The following ATP2B2 variants were observed in gnomAD, a reference collection of about 807,000 sequenced individuals.
ATP2B2 encodes plasma membrane calcium-transporting ATPase 2.
ATP2B2 carries 15 observed loss-of-function variants against 120.0 expected under a neutral mutation model. The ratio of observed to expected loss-of-function variants is 0.12; its 90% confidence interval spans 0.08 to 0.19. The LOEUF (loss-of-function observed/expected upper bound fraction) is 0.19, where lower values mean the gene tolerates loss of function less well. Ranked by LOEUF, ATP2B2 falls within the 10% of genes least tolerant of loss-of-function variation. ATP2B2 has a pLI of 1.00. For synonymous variants in ATP2B2, 694 were observed against 700.3 expected (o/e 0.99, Z 0.14); for missense variants, 1,045 against 1,719.8 (o/e 0.61, Z 6.94).
chr3:10,369,681 C>T (rs2061169985), intron 12 of ATP2B2, among the ~76,000 whole-genome samples: 1 of 152,226 alleles, frequency 6.6e-6, no homozygotes, highest in Non-Finnish European at 1.5e-5. Flanking sequence ...CATTAACTAA[C>T]TCACTTTATC....
intron 6 of ATP2B2, 84 bp downstream of exon 6, chr3:10,388,193 C>T: frequency 1.3e-6 from 2 of 1,594,360 alleles, no homozygotes; most frequent in Non-Finnish European, 1.7e-6. Context: ...CACTCAATAA[C>T]TATTTTGTTG....
chr3:10,628,904 A>G (rs996280097), intron 1 of ATP2B2, among the ~76,000 whole-genome samples: 1 of 152,224 alleles, frequency 6.6e-6, no homozygotes, highest in Non-Finnish European at 1.5e-5. Flanking sequence ...ACTGATCAGT[A>G]TATAACCTTG....
At chr3:10,702,083 T>C (rs2071828105) in intron 1 of ATP2B2, among the ~76,000 whole-genome samples, 1 of 152,114 alleles carries the variant, frequency 6.6e-6, no homozygotes, top group Non-Finnish European at 1.5e-5. Flanking sequence ...AGCAACATCT[T>C]CATACCAGTG....
rs1054870773 is a variant in ATP2B2, at chr3:10,372,681, T to C, written c.1417-630A>G. ...ACACAAAAGGGAAAAAGAAAACATA[T>C]CAACTATTAGCTACCATCCAGAACT... On this transcript the variant is annotated intron_variant, in intron 11 of 22. Transcript: ENST00000360273. Among the ~76,000 whole-genome samples the C allele has an allele frequency of 1.7e-4, 26 of 152,294 alleles. 1 individual carries two copies. The highest frequency in any genetic ancestry group is 5.3e-4 in the African/African-American group (22 of 41,566).
intron 2 of ATP2B2, among the ~76,000 whole-genome samples, chr3:10,548,849 C>G (rs892825467): frequency 6.6e-6 from 1 of 152,164 alleles, no homozygotes; most frequent in Non-Finnish European, 1.5e-5. Context: ...ACTTTCCCAG[C>G]GTAACATGGA....
intron 2 of ATP2B2, among the ~76,000 whole-genome samples, chr3:10,605,665 T>TTC (rs1420932997): frequency 1.3e-5 from 2 of 151,462 alleles, no homozygotes; most frequent in African/African-American, 4.9e-5. Flanking sequence ...TTTTTTTTTT[T>TTC]TGAGACAGAG....
At chr3:10,522,638 G>C (rs115688958) in intron 3 of ATP2B2, among the ~76,000 whole-genome samples, 1 of 152,100 alleles carries the variant, frequency 6.6e-6, no homozygotes, top group Non-Finnish European at 1.5e-5. Context: ...ATCCCGAACA[G>C]GAGTAGGCCT....
intron 1 of ATP2B2, among the ~76,000 whole-genome samples, chr3:10,628,722 A>G (rs2125635168): frequency 6.6e-6 from 1 of 152,332 alleles, no homozygotes; most frequent in South Asian, 2.1e-4. Context: ...CTTTGGAAGC[A>G]GAAAGGCAGT....
intron 1 of ATP2B2, among the ~76,000 whole-genome samples, chr3:10,471,379 T>A (rs1236794654): frequency 4.0e-5 from 6 of 148,930 alleles, no homozygotes; most frequent in Non-Finnish European, 5.9e-5. Flanking sequence ...TGTGTGTGTG[T>A]GTGTGTGTGT....
intron 1 of ATP2B2, among the ~76,000 whole-genome samples, chr3:10,464,222 C>A (rs2064631185): frequency 1.3e-5 from 2 of 152,168 alleles, no homozygotes; most frequent in Non-Finnish European, 2.9e-5. Flanking sequence ...CCGCACCACA[C>A]TCCCCAGCGC....
intron 1 of ATP2B2, among the ~76,000 whole-genome samples, chr3:10,684,566 A>T (rs2071471168): frequency 1.3e-5 from 2 of 152,276 alleles, no homozygotes; most frequent in African/African-American, 4.8e-5. Context: ...TCTATTTAGT[A>T]GCCACTCCAG....
At chr3:10,577,899 CT>C (rs1330242597) in intron 2 of ATP2B2, among the ~76,000 whole-genome samples, 4 of 152,190 alleles carry the variant, frequency 2.6e-5, no homozygotes, top group Non-Finnish European at 5.9e-5. Context: ...CAACCATCCA[CT>C]TCCTGTGCAG....
At chr3:10,451,323 T>C (rs1412854196) in intron 1 of ATP2B2, among the ~76,000 whole-genome samples, 1 of 152,168 alleles carries the variant, frequency 6.6e-6, no homozygotes, top group African/African-American at 2.4e-5. Context: ...GTATCTGGCA[T>C]TGGAGCGATT....
chr3:10,493,448 G>C (rs1018543407), intron 1 of ATP2B2, among the ~76,000 whole-genome samples: 3 of 152,146 alleles, frequency 2.0e-5, no homozygotes, highest in African/African-American at 7.2e-5. Context: ...TAAACGAGAG[G>C]AAAGCCAGGA....
chr3:10,581,082 T>C (rs1222163578), intron 2 of ATP2B2, among the ~76,000 whole-genome samples: 1 of 152,232 alleles, frequency 6.6e-6, no homozygotes, highest in Non-Finnish European at 1.5e-5. Context: ...CTGCCCATTT[T>C]ATGGATGTGG....
chr3:10,678,101 C>T (rs1381610371), intron 1 of ATP2B2, among the ~76,000 whole-genome samples: 2 of 152,212 alleles, frequency 1.3e-5, no homozygotes, highest in African/African-American at 4.8e-5. Flanking sequence ...TGCTACACTG[C>T]CTGCAGGTAG....
intron 2 of ATP2B2, among the ~76,000 whole-genome samples, chr3:10,426,325 A>G (rs1443347968): frequency 6.6e-6 from 1 of 152,212 alleles, no homozygotes; most frequent in Non-Finnish European, 1.5e-5. Flanking sequence ...GAGAACACTC[A>G]ATAAACATGT....
At chr3:10,705,399 C>T (rs2071881096) in intron 1 of ATP2B2, among the ~76,000 whole-genome samples, 1 of 152,236 alleles carries the variant, frequency 6.6e-6, no homozygotes, top group Non-Finnish European at 1.5e-5. Context: ...AATGTCCTCC[C>T]CACAGTCTGT....
intron 1 of ATP2B2, among the ~76,000 whole-genome samples, chr3:10,495,137 C>T (rs900668314): frequency 2.0e-5 from 3 of 152,216 alleles, no homozygotes; most frequent in Non-Finnish European, 4.4e-5. Flanking sequence ...AAGAGTCAGT[C>T]TCAAGGACAC....
Sources: gnomAD v4.1 joint callset for allele counts (sites outside exome capture counted in the v4.1 genomes callset) on GRCh38, gnomAD v4.1.1 for gene constraint, MANE v1.5 for transcripts, NCBI Gene and HGNC (gene_info 2026-07-23, HGNC 2026-07-21) for gene names.